The following CSMD1 variants were observed in gnomAD, a reference collection of about 807,000 sequenced individuals.
CSMD1 encodes CUB and sushi domain-containing protein 1.
A neutral mutation model predicts 417.5 loss-of-function variants in CSMD1; 213 were observed. That is an observed-to-expected ratio of 0.51 (90% CI 0.46 to 0.57). The LOEUF (loss-of-function observed/expected upper bound fraction) is 0.57, where lower values mean the gene tolerates loss of function less well. Among genes scored for constraint, CSMD1 ranks in the 20% least tolerant of loss-of-function variants. CSMD1 has a pLI of 0.00. For missense variants in CSMD1, 6,923 were observed against 4,529.7 expected (o/e 1.53, Z -15.17); for synonymous variants, 2,862 against 1,736.8 (o/e 1.65, Z -16.11).
intron 10 of CSMD1, among the ~76,000 whole-genome samples, chr8:3,512,604 T>TC (rs1366528017): frequency 1.6e-4 from 24 of 149,764 alleles, no homozygotes; most frequent in African/African-American, 4.4e-4. Flanking sequence ...TTTTTTCTTT[T>TC]TTTTTTTTTT....
At position 2,961,298 on chromosome 8, in the gene CSMD1, T is replaced by A. The variant is rs527367993; in HGVS notation, c.9629-84A>T. On this transcript the variant is annotated intron_variant, in intron 61 of 69. Transcript: ENST00000635120. The stretch of plus-strand genomic sequence containing the variant: ...TAACAGCTTTCACTAAAAGGTCTCA[T>A]GAAATAGAGAAAATATTGTTTTGAG... The A allele has an allele frequency of 1.2e-4, 83 of 709,528 alleles. No homozygotes were observed. The African/African-American group carries it at 1.2e-3, about 10-fold the overall frequency. The allele number at this position is 709,528 out of a possible 1,614,324, so 44.0% of individuals were successfully genotyped here.
chr8:3,177,726 C>T (rs1157346985), intron 37 of CSMD1, among the ~76,000 whole-genome samples: 1 of 152,150 alleles, frequency 6.6e-6, no homozygotes. Context: ...GTTCCTCCCA[C>T]CAGCTTCCAC....
intron 1 of CSMD1, among the ~76,000 whole-genome samples, chr8:4,783,851 C>G (rs2117200807): frequency 6.6e-6 from 1 of 152,316 alleles, no homozygotes; most frequent in African/African-American, 2.4e-5. Context: ...GGTGATATCA[C>G]TCCTCTAAAG....
At chr8:4,062,228 A>T (rs765516356) in intron 3 of CSMD1, among the ~76,000 whole-genome samples, 4 of 152,118 alleles carry the variant, frequency 2.6e-5, no homozygotes, top group Non-Finnish European at 4.4e-5. Context: ...AGGTTCACAC[A>T]AGTCTAATTT....
chr8:3,194,912 G>A (rs1439506505), intron 33 of CSMD1, among the ~76,000 whole-genome samples: 7 of 152,120 alleles, frequency 4.6e-5, no homozygotes, highest in Non-Finnish European at 7.3e-5. Flanking sequence ...CCAGGTTAGA[G>A]ATGGTGACCC....
chr8:3,338,532 G>C (rs187822610), intron 23 of CSMD1, among the ~76,000 whole-genome samples: 1 of 152,314 alleles, frequency 6.6e-6, no homozygotes, highest in Admixed American at 6.5e-5. Flanking sequence ...GCAGGATGAA[G>C]AGAAAGAATT....
intron 1 of CSMD1, among the ~76,000 whole-genome samples, chr8:4,944,697 C>T (rs1310967979): frequency 6.6e-6 from 1 of 152,084 alleles, no homozygotes; most frequent in East Asian, 1.9e-4. Context: ...TCACCTCACA[C>T]CCACGCAGAT....
At chr8:4,236,023 ATTGTTTTTTTTGT>A (rs1749159876) in intron 3 of CSMD1, among the ~76,000 whole-genome samples, 1 of 10,624 alleles carries the variant, frequency 9.4e-5, no homozygotes, top group African/African-American at 1.5e-4. Flanking sequence ...GTTAATGGAT[ATTGTTTTTTTTGT>A]TTGTTTTTTT....
intron 2 of CSMD1, among the ~76,000 whole-genome samples, chr8:4,623,937 T>C (rs76205177): frequency 0.018 from 2,738 of 152,208 alleles, 83 homozygotes; most frequent in African/African-American, 0.059. Flanking sequence ...CACGGTTGTA[T>C]ATAAATCTCA....
intron 3 of CSMD1, among the ~76,000 whole-genome samples, chr8:4,071,839 T>G (rs373485179): frequency 6.6e-6 from 1 of 152,076 alleles, no homozygotes; most frequent in Admixed American, 6.6e-5. Flanking sequence ...GGGGGTGGTG[T>G]GCACATCCAC....
chr8:4,117,145 G>C (rs559601519), intron 3 of CSMD1, among the ~76,000 whole-genome samples: 6 of 151,840 alleles, frequency 4.0e-5, no homozygotes, highest in East Asian at 1.9e-4. Flanking sequence ...AAGGAGAAAA[G>C]ACAGACACGT....
intron 54 of CSMD1, among the ~76,000 whole-genome samples, chr8:2,992,896 C>G (rs76351173): frequency 6.6e-6 from 1 of 151,778 alleles, no homozygotes; most frequent in Non-Finnish European, 1.5e-5. Flanking sequence ...TACCTACCAT[C>G]GCAGCTGGCT....
intron 50 of CSMD1, among the ~76,000 whole-genome samples, chr8:3,036,865 G>A (rs938300228): frequency 1.3e-5 from 2 of 151,922 alleles, no homozygotes; most frequent in Non-Finnish European, 2.9e-5. Flanking sequence ...AGCGTTTTTG[G>A]TTACATGGAT....
chr8:4,109,947 G>T (rs1207347406), intron 3 of CSMD1, among the ~76,000 whole-genome samples: 1 of 152,092 alleles, frequency 6.6e-6, no homozygotes, highest in South Asian at 2.1e-4. Flanking sequence ...TGACAATTTG[G>T]TGAATAATAC....
chr8:3,740,005 C>G (rs1376857166), intron 6 of CSMD1, among the ~76,000 whole-genome samples: 2 of 152,176 alleles, frequency 1.3e-5, no homozygotes, highest in Non-Finnish European at 2.9e-5. Flanking sequence ...TTGGTCTCTT[C>G]TGGGAGTCAT....
Position 3,884,903 on chromosome 8 carries a change from G to A in CSMD1, c.818+113000C>T, listed in dbSNP as rs959496902. Among the ~76,000 whole-genome samples the A allele has an allele frequency of 2.0e-5, 3 of 146,978 alleles. No individual in the cohort carries two copies. In the Admixed American group the frequency reaches 2.0e-4, roughly 10 times the overall value. ...TAAAAATTATAACTTTTATATTAAA[G>A]GCCTTCTAAATATATATATATATAT... On this transcript the variant is annotated intron_variant, in intron 5 of 69. Coordinates refer to ENST00000635120, the MANE Select transcript of CSMD1 (RefSeq NM_033225.6).
rs139237569 is a variant in CSMD1 at position 4,204,506 on chromosome 8, T to A, written c.416-172407A>T. On this transcript the variant is annotated intron_variant, in intron 3 of 69. Coordinates refer to ENST00000635120, the MANE Select transcript of CSMD1 (RefSeq NM_033225.6). Reference sequence around the variant, plus strand: ...GATTGTAAAATAAACCAGATTCAATTTCCATAATTTATTTCCTCACCTTTC... The same window carrying A: ...GATTGTAAAATAAACCAGATTCAATATCCATAATTTATTTCCTCACCTTTC... 1.1e-3 allele frequency among the ~76,000 whole-genome samples: 167 copies of A among 152,292 alleles called. 3 individuals are homozygous for A. The East Asian group carries it at 0.031, about 28-fold the overall frequency.
At chr8:4,010,912 A>T (rs904628599) in intron 4 of CSMD1, among the ~76,000 whole-genome samples, 1 of 152,174 alleles carries the variant, frequency 6.6e-6, no homozygotes, top group Non-Finnish European at 1.5e-5. Flanking sequence ...CTAACTTTAC[A>T]TATATGGCCA....
chr8:4,198,919 G>GT (rs921251414), intron 3 of CSMD1, among the ~76,000 whole-genome samples: 37 of 150,274 alleles, frequency 2.5e-4, no homozygotes, highest in African/African-American at 5.2e-4. Flanking sequence ...TTCCACGCAG[G>GT]TTTTTTTTGT....
Sources: gnomAD v4.1 joint callset for allele counts (sites outside exome capture counted in the v4.1 genomes callset) on GRCh38, gnomAD v4.1.1 for gene constraint, MANE v1.5 for transcripts, NCBI Gene and HGNC (gene_info 2026-07-23, HGNC 2026-07-21) for gene names.